CSMD1: variants seen among roughly 807,000 people sequenced by gnomAD.
CSMD1 encodes CUB and Sushi multiple domains 1, also known as CUB and sushi domain-containing protein 1.
In CSMD1, 213 loss-of-function variants were observed where a neutral mutation model predicts 417.5. That is an observed-to-expected ratio of 0.51 (90% CI 0.46 to 0.57). The LOEUF (loss-of-function observed/expected upper bound fraction) is 0.57, where lower values mean the gene tolerates loss of function less well. CSMD1 is among the 20% of genes least tolerant of loss of function. The pLI is 0.00. For missense variants in CSMD1, 6,923 were observed against 4,529.7 expected (o/e 1.53, Z -15.17); for synonymous variants, 2,862 against 1,736.8 (o/e 1.65, Z -16.11).
At chr8:4,814,149 C>T (rs1410837151) in intron 1 of CSMD1, among the ~76,000 whole-genome samples, 1 of 152,108 alleles carries the variant, frequency 6.6e-6, no homozygotes, top group South Asian at 2.1e-4. Context: ...TAACGAATTC[C>T]GTGAAAACTG....
At chr8:3,808,915 G>C (rs1041132506) in intron 5 of CSMD1, among the ~76,000 whole-genome samples, 13 of 152,184 alleles carry the variant, frequency 8.5e-5, no homozygotes, top group Non-Finnish European at 1.6e-4. Context: ...AGTCAGGCAA[G>C]CCTCAATTCC....
At position 4,457,775 on chromosome 8, in the gene CSMD1, G is replaced by C. The variant is rs932235522; in HGVS notation, c.303-37710C>G. Reference sequence around the variant, plus strand: ...AGCATAGGACACCTCTTCACTGGCTGCTTCTCCCAAGTCCCTCTTAGCTGG... The same window carrying C: ...AGCATAGGACACCTCTTCACTGGCTCCTTCTCCCAAGTCCCTCTTAGCTGG... On this transcript the variant is annotated intron_variant, in intron 2 of 69. Transcript: ENST00000635120. 1.3e-5 allele frequency among the ~76,000 whole-genome samples: 2 copies of C among 152,246 alleles called. 1 individual carries two copies. The highest frequency in any genetic ancestry group is 2.9e-5 in the Non-Finnish European group (2 of 68,012).
intron 3 of CSMD1, among the ~76,000 whole-genome samples, chr8:4,089,631 A>C (rs1800609239): frequency 6.6e-6 from 1 of 152,198 alleles, no homozygotes; most frequent in South Asian, 2.1e-4. Flanking sequence ...GCACTATTCT[A>C]AGGAATAAGT....
At chr8:4,551,527 C>T (rs908529316) in intron 2 of CSMD1, among the ~76,000 whole-genome samples, 4 of 152,142 alleles carry the variant, frequency 2.6e-5, no homozygotes, top group Non-Finnish European at 2.9e-5. Context: ...CCTGCCCAAC[C>T]ATCCCTATGG....
At chr8:3,378,723 A>T (rs977016176) in intron 18 of CSMD1, among the ~76,000 whole-genome samples, 2 of 152,206 alleles carry the variant, frequency 1.3e-5, no homozygotes, top group African/African-American at 2.4e-5. Flanking sequence ...AACTCTCAAT[A>T]AACTAGGTAG....
At chr8:3,864,122 TTA>T (rs200966673) in intron 5 of CSMD1, among the ~76,000 whole-genome samples, 3,399 of 152,186 alleles carry the variant, frequency 0.022, 47 homozygotes, top group Middle Eastern at 0.054. Flanking sequence ...TGTTGATATT[TTA>T]AAAAAAAATG....
chr8:3,295,848 A>G (rs946263575), intron 25 of CSMD1, among the ~76,000 whole-genome samples: 3 of 152,154 alleles, frequency 2.0e-5, no homozygotes, highest in African/African-American at 7.2e-5. Flanking sequence ...TTTTGCATCT[A>G]TAAGACGTTC....
chr8:4,046,025 A>T (rs1210702290), intron 3 of CSMD1, among the ~76,000 whole-genome samples: 2 of 152,148 alleles, frequency 1.3e-5, no homozygotes, highest in Non-Finnish European at 2.9e-5. Context: ...TTCAAATATA[A>T]AATTTAGGAC....
Position 3,755,451 on chromosome 8 carries a change from T to C in CSMD1, c.819-1409A>G, listed in dbSNP as rs547255618. On this transcript the variant is annotated intron_variant, in intron 5 of 69. Transcript: ENST00000635120. ...GTAACAAAATCTATTTTCAAAATGA[T>C]GCTTATTAGTGTAGATAATCTGTAA... Among the ~76,000 whole-genome samples, 4 of 152,334 alleles carry C rather than the reference T, an allele frequency of 2.6e-5. No homozygotes were observed. In the East Asian group the frequency reaches 5.8e-4, roughly 22 times the overall value.
chr8:3,330,711 A>C (rs146489027), intron 23 of CSMD1, among the ~76,000 whole-genome samples: 2,010 of 152,318 alleles, frequency 0.013, 41 homozygotes, highest in African/African-American at 0.046. Flanking sequence ...GAGTTTACCC[A>C]AATAACAAAC....
At chr8:3,225,189 T>G (rs1180443872) in intron 27 of CSMD1, among the ~76,000 whole-genome samples, 1 of 150,370 alleles carries the variant, frequency 6.7e-6, no homozygotes. Flanking sequence ...TATTTAACAT[T>G]TCTGAAAACT....
At chr8:4,153,454 T>G (rs1232165319) in intron 3 of CSMD1, among the ~76,000 whole-genome samples, 1 of 152,204 alleles carries the variant, frequency 6.6e-6, no homozygotes, top group East Asian at 1.9e-4. Flanking sequence ...GATGAGCCAG[T>G]GGATAAGGTT....
intron 2 of CSMD1, among the ~76,000 whole-genome samples, chr8:4,523,966 C>G (rs1385095424): frequency 6.6e-6 from 1 of 152,066 alleles, no homozygotes; most frequent in African/African-American, 2.4e-5. Flanking sequence ...CCCCAGCCAG[C>G]AGTTCCTACG....
At chr8:4,764,347 A>G (rs2117111118) in intron 1 of CSMD1, among the ~76,000 whole-genome samples, 1 of 152,340 alleles carries the variant, frequency 6.6e-6, no homozygotes, top group Non-Finnish European at 1.5e-5. Context: ...CCTAGAAATT[A>G]GTATCAATTC....
At chr8:4,001,032 G>T (rs188448600) in intron 4 of CSMD1, among the ~76,000 whole-genome samples, 2 of 138,496 alleles carry the variant, frequency 1.4e-5, no homozygotes, top group African/African-American at 2.7e-5. Flanking sequence ...CCCTTTCAAT[G>T]TTTCAGAGGG....
At chr8:4,466,269 T>A (rs1280782175) in intron 2 of CSMD1, among the ~76,000 whole-genome samples, 3 of 151,726 alleles carry the variant, frequency 2.0e-5, no homozygotes, top group Non-Finnish European at 4.4e-5. Context: ...AGTGGAAGAA[T>A]AAGCTTGATG....
chr8:3,620,513 C>A (rs1236158382), intron 7 of CSMD1, among the ~76,000 whole-genome samples: 1 of 152,016 alleles, frequency 6.6e-6, no homozygotes, highest in Non-Finnish European at 1.5e-5. Context: ...TTTACAACAG[C>A]AATAGCATAA....
rs576324863 is a variant in CSMD1 at position 4,905,586 on chromosome 8, A to G, written c.85+88746T>C. Among the ~76,000 whole-genome samples the G allele has an allele frequency of 9.5e-4, 144 of 152,070 alleles. 1 individual carries two copies. The highest frequency in any genetic ancestry group is 2.2e-3 in the African/African-American group (92 of 41,492). ...TGTAATCCCAGCACTTTGGGAGGCC[A>G]AGGTGGGCCCATCACGAGGTCATGA... is the stretch of plus-strand genomic sequence containing the variant. On this transcript the variant is annotated intron_variant, in intron 1 of 69. Transcript: ENST00000635120.
At chr8:3,860,154 C>T (rs753690438) in intron 5 of CSMD1, among the ~76,000 whole-genome samples, 19 of 152,054 alleles carry the variant, frequency 1.2e-4, no homozygotes, top group Non-Finnish European at 2.4e-4. Context: ...ATATTAACCC[C>T]TCATTTGATA....
Sources: allele counts gnomAD v4.1 joint callset (sites outside exome capture counted in the v4.1 genomes callset), GRCh38; gene constraint gnomAD v4.1.1; transcripts MANE v1.5; gene names NCBI Gene and HGNC (gene_info 2026-07-23, HGNC 2026-07-21).